KLF8: variants seen among roughly 807,000 people sequenced by gnomAD.
KLF8 encodes KLF transcription factor 8, also known as Krueppel-like factor 8.
In KLF8, 10 loss-of-function variants were observed where a neutral mutation model predicts 18.2. The observed-to-expected ratio is 0.55, with a 90% CI of 0.34 to 0.93. KLF8 has a LOEUF of 0.93. Ranked by LOEUF, KLF8 falls within the 40% of genes least tolerant of loss-of-function variation. KLF8 has a pLI of 0.02. For missense variants in KLF8, 264 were observed against 277.9 expected, an observed-to-expected ratio of 0.95 and a Z score of 0.36; for synonymous variants, 109 against 97.3, an observed-to-expected ratio of 1.12 and a Z score of -0.71.
chrX:56,019,930 T>C, the KLF8 span, among the ~76,000 whole-genome samples: 1 of 111,573 alleles, frequency 9.0e-6, no homozygotes, highest in Non-Finnish European at 1.9e-5. Flanking sequence ...CTACCTAAAC[T>C]CAAACCTTAA....
chrX:56,003,594 C>T, the KLF8 span, among the ~76,000 whole-genome samples: 2 of 111,039 alleles, frequency 1.8e-5, no homozygotes, highest in African/African-American at 6.5e-5. Flanking sequence ...AACTAAAGGA[C>T]AATTTAGGAC....
At chrX:56,135,646 C>G in the KLF8 span, among the ~76,000 whole-genome samples, 1 of 110,104 alleles carries the variant, frequency 9.1e-6, no homozygotes, top group Non-Finnish European at 1.9e-5. Context: ...CCCATGTATA[C>G]ATATGTAACT....
At chrX:56,003,908 A>T in the KLF8 span, among the ~76,000 whole-genome samples, 4 of 112,442 alleles carry the variant, frequency 3.6e-5, no homozygotes, top group Non-Finnish European at 7.5e-5. Context: ...AACGTATCTT[A>T]TGTTATTCAC....
chrX:56,097,504 A>G, the KLF8 span, among the ~76,000 whole-genome samples: 1 of 107,510 alleles, frequency 9.3e-6, no homozygotes, highest in South Asian at 4.2e-4. Context: ...AATTTTCAAC[A>G]ATCACTCTTT....
intron 5 of KLF8, among the ~76,000 whole-genome samples, chrX:56,280,433 A>G (rs2067185560): frequency 1.8e-5 from 2 of 111,623 alleles, no homozygotes; most frequent in South Asian, 7.7e-4. Context: ...ATGAGGTCTC[A>G]CTATGTTGCC....
At chrX:56,282,683 G>A (rs2067217585) in intron 5 of KLF8, among the ~76,000 whole-genome samples, 1 of 111,795 alleles carries the variant, frequency 8.9e-6, no homozygotes, top group Non-Finnish European at 1.9e-5. Flanking sequence ...GGAAAAGACC[G>A]AGAGAAAGAG....
chrX:56,194,643 A>G, the KLF8 span, among the ~76,000 whole-genome samples: 2 of 112,494 alleles, frequency 1.8e-5, no homozygotes, highest in African/African-American at 6.5e-5. Context: ...TAGCTAAACA[A>G]AAGGCAGCAG....
At chrX:56,160,900 G>A in the KLF8 span, among the ~76,000 whole-genome samples, 1 of 111,185 alleles carries the variant, frequency 9.0e-6, no homozygotes, top group African/African-American at 3.3e-5. Flanking sequence ...TTTAAGGTTA[G>A]TATTATTATG....
chrX:55,951,773 G>A, the KLF8 span, among the ~76,000 whole-genome samples: 1 of 110,418 alleles, frequency 9.1e-6, no homozygotes, highest in African/African-American at 3.3e-5. Flanking sequence ...CTCAATCTTG[G>A]CTGCTCTTTG....
chrX:56,259,429 T>A (rs1356448253), intron 2 of KLF8, among the ~76,000 whole-genome samples: 3 of 110,800 alleles, frequency 2.7e-5, no homozygotes, highest in Non-Finnish European at 5.7e-5. Context: ...TCAGGGTTCA[T>A]ACATTTCTGT....
At chrX:56,027,640 A>G in the KLF8 span, among the ~76,000 whole-genome samples, 2 of 111,873 alleles carry the variant, frequency 1.8e-5, no homozygotes, top group African/African-American at 3.3e-5. Context: ...ACCACCGCAT[A>G]TCCTGGACAT....
chrX:56,054,248 CT>C, the KLF8 span, among the ~76,000 whole-genome samples: 1 of 111,565 alleles, frequency 9.0e-6, no homozygotes, highest in African/African-American at 3.2e-5. Flanking sequence ...CCTTTTAACA[CT>C]GCCTTAGCTG....
At chrX:56,033,057 TGATATA>T in the KLF8 span, among the ~76,000 whole-genome samples, 1 of 111,487 alleles carries the variant, frequency 9.0e-6, no homozygotes, top group African/African-American at 3.3e-5. Context: ...GAGGAACATA[TGATATA>T]GATATATAAT....
the KLF8 span, among the ~76,000 whole-genome samples, chrX:56,163,181 C>A: frequency 4.5e-5 from 5 of 112,024 alleles, 1 homozygote; most frequent in Admixed American, 4.8e-4. Flanking sequence ...CTATCTTCCA[C>A]AATGCTTCAA....
the KLF8 span, among the ~76,000 whole-genome samples, chrX:56,050,261 A>AT: frequency 9.1e-6 from 1 of 110,371 alleles, no homozygotes; most frequent in African/African-American, 3.3e-5. Flanking sequence ...TTGTGTCTCT[A>AT]TTTCCTTCAG....
the KLF8 span, among the ~76,000 whole-genome samples, chrX:56,184,189 G>A: frequency 8.0e-5 from 9 of 112,145 alleles, no homozygotes; most frequent in Non-Finnish European, 1.3e-4. Context: ...CATTTCCGAC[G>A]GGCTTAAAAA....
At chrX:56,081,173 G>T in the KLF8 span, among the ~76,000 whole-genome samples, 2 of 111,693 alleles carry the variant, frequency 1.8e-5, no homozygotes, top group Non-Finnish European at 3.8e-5. Flanking sequence ...ATCCATCTTT[G>T]TTCTGTTGCT....
At chrX:55,965,810 A>G in the KLF8 span, among the ~76,000 whole-genome samples, 1 of 111,983 alleles carries the variant, frequency 8.9e-6, no homozygotes, top group South Asian at 3.8e-4. Flanking sequence ...TAAAATACCT[A>G]AGTGTAGAGA....
In KLF8 at chrX:56,288,574, TG is replaced by T. The variant is rs2067292077; in HGVS notation, c.*4082del. 8.9e-6 allele frequency among the ~76,000 whole-genome samples: 1 copy of T among 112,125 alleles called. No homozygotes were observed. Among genetic ancestry groups the T allele is most frequent in the African/African-American group, 3.3e-5 (1 of 30,671 alleles). ...AATAAAGCAAGTCACACAAATTTTT[TG>T]GTTTCCCAGTGCATATAAAATTTTA... is the stretch of plus-strand genomic sequence containing the variant. On this transcript the variant is annotated 3_prime_UTR_variant, in exon 6 of 6. Transcript: ENST00000468660.
Sources: gnomAD v4.1 joint callset for allele counts (sites outside exome capture counted in the v4.1 genomes callset) on GRCh38, gnomAD v4.1.1 for gene constraint, MANE v1.5 for transcripts, NCBI Gene and HGNC (gene_info 2026-07-23, HGNC 2026-07-21) for gene names.